The following GNAS-AS1 variants were observed in gnomAD, a reference collection of about 807,000 sequenced individuals.
GNAS-AS1 encodes GNAS antisense RNA 1 (non-protein coding).
intron 4 of GNAS-AS1, chr20:58,824,035 C>T (rs188252911): frequency 1.5e-5 from 6 of 398,688 alleles, no homozygotes; most frequent in East Asian, 7.1e-5. Context: ...TTTCCTGACA[C>T]GCTCTCTTTG....
chr20:58,847,463 T>C (rs112876139), intron 2 of GNAS-AS1, among the ~76,000 whole-genome samples: 359 of 152,364 alleles, frequency 2.4e-3, no homozygotes, highest in African/African-American at 7.9e-3. Context: ...TAATTAATTG[T>C]ACAGCTTCAA....
At chr20:58,849,777 A>AC (rs2086082223) in intron 1 of GNAS-AS1, among the ~76,000 whole-genome samples, 1 of 151,968 alleles carries the variant, frequency 6.6e-6, no homozygotes, top group Non-Finnish European at 1.5e-5. Context: ...TGCTTCCTTC[A>AC]CCGTGCTAGG....
intron 4 of GNAS-AS1, among the ~76,000 whole-genome samples, chr20:58,831,708 C>A (rs571467267): frequency 6.6e-6 from 1 of 152,116 alleles, no homozygotes; most frequent in Non-Finnish European, 1.5e-5. Flanking sequence ...TTTATTCATT[C>A]ATTCATTCAT....
chr20:58,826,568 A>C (rs2085521748), intron 4 of GNAS-AS1, among the ~76,000 whole-genome samples: 1 of 152,204 alleles, frequency 6.6e-6, no homozygotes, highest in South Asian at 2.1e-4. Flanking sequence ...TAGATCCTGG[A>C]TTAGCAGAGG....
chr20:58,825,640 C>A (rs1052534566), intron 4 of GNAS-AS1, among the ~76,000 whole-genome samples: 2 of 152,038 alleles, frequency 1.3e-5, no homozygotes, highest in African/African-American at 2.4e-5. Flanking sequence ...GAAGGTGGTG[C>A]GAAAATAATT....
chr20:58,849,940 A>G (rs942921699), intron 1 of GNAS-AS1, among the ~76,000 whole-genome samples: 5 of 152,186 alleles, frequency 3.3e-5, no homozygotes, highest in African/African-American at 1.2e-4. Context: ...TTCCTGCCAA[A>G]ATAGCCTCAA....
chr20:58,829,357 G>A (rs945352694), intron 4 of GNAS-AS1, among the ~76,000 whole-genome samples: 6 of 152,082 alleles, frequency 3.9e-5, no homozygotes, highest in Non-Finnish European at 8.8e-5. Flanking sequence ...TTCCATCCCC[G>A]TACTCTGTGG....
rs1240654937 is a variant in GNAS-AS1 at position 58,841,696 on chromosome 20, C to T, written n.819+241G>A. ...GGGAAAGGTAGAGGAGGTAAGGGGA[C>T]CCTTGGGGATGCCCCTACGGGCTAC... On this transcript the variant is annotated intron_variant and non_coding_transcript_variant, in intron 4 of 4. Coordinates refer to ENST00000424094, the Ensembl canonical transcript of GNAS-AS1. This position sits in a 1 kb window ranked among gnomAD's most constrained non-coding sequence, Gnocchi z 5.0. 2.0e-5 allele frequency: 24 copies of T among 1,204,844 alleles called. No homozygotes were observed. Among genetic ancestry groups the T allele is most frequent in the Non-Finnish European group, 2.5e-5 (24 of 971,004 alleles). 74.6% of individuals were successfully genotyped at this position (1,204,844 alleles called of 1,614,324 possible).
intron 4 of GNAS-AS1, among the ~76,000 whole-genome samples, chr20:58,830,467 C>A (rs531778163): frequency 2.5e-5 from 3 of 118,188 alleles, no homozygotes; most frequent in African/African-American, 9.7e-5. Flanking sequence ...ACCACCACCA[C>A]ACCACCATCA....
In GNAS-AS1 at chr20:58,841,284, C is replaced by T; in HGVS notation, n.819+653G>A. 1.9e-6 allele frequency: 2 copies of T among 1,072,654 alleles called. No homozygotes were observed. The highest frequency in any genetic ancestry group is 2.3e-6 in the Non-Finnish European group (2 of 879,834). The allele number at this position is 1,072,654 out of a possible 1,614,324, so 66.4% of individuals were successfully genotyped here. On this transcript the variant is annotated intron_variant and non_coding_transcript_variant, in intron 4 of 4. Transcript: ENST00000424094. The surrounding 1 kb of genome is among the most constrained non-coding windows in gnomAD (Gnocchi z 5.0). Reference sequence around the variant, plus strand: ...AAAGACTAGTCTCAAATAAGTTGGCCTTCTCAGGTGTCCAAAATGTGGTTC... The same window carrying T: ...AAAGACTAGTCTCAAATAAGTTGGCTTTCTCAGGTGTCCAAAATGTGGTTC...
rs2085689038 is a variant in GNAS-AS1, at chr20:58,840,885, A to C, written n.819+1052T>G. ...AGATTCTCCTTGTTTTCATGGATTC[A>C]GGTTAGTTGCCCACCGCTAAACTGG... On this transcript the variant is annotated intron_variant and non_coding_transcript_variant, in intron 4 of 4. Transcript: ENST00000424094. This position sits in a 1 kb window ranked among gnomAD's most constrained non-coding sequence, Gnocchi z 6.0. 1.2e-6 allele frequency: 2 copies of C among 1,612,454 alleles called. No individual in the cohort carries two copies. Among genetic ancestry groups the C allele is most frequent in the Non-Finnish European group, 1.7e-6 (2 of 1,179,834 alleles).
Position 58,840,760 on chromosome 20 carries a change from C to T in GNAS-AS1, n.819+1177G>A. On this transcript the variant is annotated intron_variant and non_coding_transcript_variant, in intron 4 of 4. Transcript: ENST00000424094. This position sits in a 1 kb window ranked among gnomAD's most constrained non-coding sequence, Gnocchi z 6.0. Reference sequence around the variant, plus strand: ...CCAAGGAGGAGAAGCAGCGGCGTCGCTGCAAGCCAAAGAAGCCCACCCGCC... The same window carrying T: ...CCAAGGAGGAGAAGCAGCGGCGTCGTTGCAAGCCAAAGAAGCCCACCCGCC... The T allele has an allele frequency of 6.2e-7, 1 of 1,607,658 alleles. No homozygotes were observed. The highest frequency in any genetic ancestry group is 8.5e-7 in the Non-Finnish European group (1 of 1,179,624).
In GNAS-AS1 at chr20:58,841,498, A is replaced by T; in HGVS notation, n.819+439T>A. On this transcript the variant is annotated intron_variant and non_coding_transcript_variant, in intron 4 of 4. Transcript: ENST00000424094. The surrounding 1 kb of genome is among the most constrained non-coding windows in gnomAD (Gnocchi z 5.0). The stretch of plus-strand genomic sequence containing the variant: ...AGCCCAGGTCCCAGAGCTGACAATT[A>T]AGCCGCGGGACCTCCGCGCCAGTGC... The T allele has an allele frequency of 1.0e-6, 1 of 990,656 alleles. No individual in the cohort carries two copies. Among genetic ancestry groups the T allele is most frequent in the Non-Finnish European group, 1.2e-6 (1 of 833,812 alleles). 61.4% of individuals were successfully genotyped at this position (990,656 alleles called of 1,614,324 possible). A position where few individuals can be genotyped will look rare whatever the true frequency, so the allele number is the denominator to read the frequency against.
chr20:58,840,757 T>A lies in GNAS-AS1; in HGVS notation n.819+1180A>T, dbSNP rs75176432. On this transcript the variant is annotated intron_variant and non_coding_transcript_variant, in intron 4 of 4. Transcript: ENST00000424094. This position sits in a 1 kb window ranked among gnomAD's most constrained non-coding sequence, Gnocchi z 6.0. Reference sequence around the variant, plus strand: ...AGCCCAAGGAGGAGAAGCAGCGGCGTCGCTGCAAGCCAAAGAAGCCCACCC... The same window carrying A: ...AGCCCAAGGAGGAGAAGCAGCGGCGACGCTGCAAGCCAAAGAAGCCCACCC... 13,445 of 1,606,668 alleles carry A rather than the reference T, an allele frequency of 8.4e-3. 72 individuals are homozygous for A. Among genetic ancestry groups the A allele is most frequent in the Non-Finnish European group, 0.01 (11,997 of 1,179,494 alleles).
intron 4 of GNAS-AS1, among the ~76,000 whole-genome samples, chr20:58,837,662 T>G (rs1172074215): frequency 6.6e-6 from 1 of 152,196 alleles, no homozygotes; most frequent in Non-Finnish European, 1.5e-5. Flanking sequence ...AGGCTGGTCT[T>G]GAACTCCTGG....
At chr20:58,838,377 T>C (rs778329182) in intron 4 of GNAS-AS1, among the ~76,000 whole-genome samples, 1 of 152,220 alleles carries the variant, frequency 6.6e-6, no homozygotes, top group Non-Finnish European at 1.5e-5. Flanking sequence ...TAGTGGTGTC[T>C]GACCGCCCCC....
chr20:58,836,203 C>T (rs2145461829), intron 4 of GNAS-AS1: 1 of 152,326 alleles, frequency 6.6e-6, no homozygotes, highest in East Asian at 1.9e-4. Context: ...CTTGCTCACG[C>T]ACACCACGAA....
rs139563082 is a variant in GNAS-AS1 at position 58,844,338 on chromosome 20, C to T, written n.414-1793G>A. On this transcript the variant is annotated intron_variant and non_coding_transcript_variant, in intron 2 of 4. Coordinates refer to ENST00000424094, the Ensembl canonical transcript of GNAS-AS1. ...TGCTCTTCTCTAAAAAATCACCCAGCAGAGGGATGAGATGCTCAAATGACA... is the reference window on the plus strand; with the variant it reads ...TGCTCTTCTCTAAAAAATCACCCAGTAGAGGGATGAGATGCTCAAATGACA... Among the ~76,000 whole-genome samples, 9 of 152,316 alleles carry T rather than the reference C, an allele frequency of 5.9e-5. No individual in the cohort carries two copies. The East Asian group carries it at 1.7e-3, about 29-fold the overall frequency.
At chr20:58,822,596 C>G (rs1195705344) in intron 4 of GNAS-AS1, among the ~76,000 whole-genome samples, 1 of 152,190 alleles carries the variant, frequency 6.6e-6, no homozygotes, top group Admixed American at 6.5e-5. Flanking sequence ...TGGGTGAGAG[C>G]AGGCCTGGAG....
Sources: allele counts gnomAD v4.1 joint callset (sites outside exome capture counted in the v4.1 genomes callset), GRCh38; gene constraint gnomAD v4.1.1; non-coding constraint Gnocchi (gnomAD v3.1); transcripts MANE v1.5; gene names NCBI Gene and HGNC (gene_info 2026-07-23, HGNC 2026-07-21).